Variants in COG5 observed in about 807,000 individuals in gnomAD.
COG5 encodes the protein conserved oligomeric Golgi complex subunit 5.
In COG5, 86 loss-of-function variants were observed where a neutral mutation model predicts 110.4. That is an observed-to-expected ratio of 0.78 (90% CI 0.65 to 0.93). The LOEUF (loss-of-function observed/expected upper bound fraction) is 0.93. Ranked by LOEUF, COG5 falls within the 40% of genes least tolerant of loss-of-function variation. The probability of loss-of-function intolerance (pLI) is 0.00; values close to 1 mark genes in which losing one functional copy is unlikely to be tolerated. For missense variants in COG5, 1,077 were observed against 987.0 expected (o/e 1.09, Z -1.22); for synonymous variants, 360 against 334.6 (o/e 1.08, Z -0.83).
chr7:107,260,390 G>A (rs1003685869), intron 14 of COG5, among the ~76,000 whole-genome samples: 13 of 152,090 alleles, frequency 8.5e-5, no homozygotes, highest in Admixed American at 6.6e-4. Context: ...ATGGGCAAAA[G>A]TTGATTGGAA....
At chr7:107,555,791 C>T (rs1462811671) in intron 2 of COG5, among the ~76,000 whole-genome samples, 1 of 151,824 alleles carries the variant, frequency 6.6e-6, no homozygotes, top group Non-Finnish European at 1.5e-5. Context: ...GTGGGTGGAT[C>T]ATTTGAGGTC....
intron 12 of COG5, among the ~76,000 whole-genome samples, chr7:107,292,675 A>G (rs1806274405): frequency 1.3e-5 from 2 of 152,166 alleles, no homozygotes; most frequent in Admixed American, 1.3e-4. Flanking sequence ...GAAACTCTCC[A>G]GGCCTCCACA....
chr7:107,408,805 T>C (rs1046167702), intron 7 of COG5, among the ~76,000 whole-genome samples: 3 of 152,194 alleles, frequency 2.0e-5, no homozygotes, highest in Non-Finnish European at 4.4e-5. Flanking sequence ...ATGAAGGTTA[T>C]ATAAAACACC....
intron 6 of COG5, among the ~76,000 whole-genome samples, chr7:107,526,612 A>T (rs1025564886): frequency 6.6e-6 from 1 of 152,212 alleles, no homozygotes; most frequent in Non-Finnish European, 1.5e-5. Flanking sequence ...ACCTATTCAT[A>T]ATCACCAAAA....
At chr7:107,295,098 T>TAC (rs1562955845) in intron 12 of COG5, among the ~76,000 whole-genome samples, 3 of 68,462 alleles carry the variant, frequency 4.4e-5, no homozygotes, top group African/African-American at 1.3e-4. Flanking sequence ...TATATATATA[T>TAC]ATATTTTTTT....
intron 11 of COG5, among the ~76,000 whole-genome samples, chr7:107,307,109 G>T (rs911584867): frequency 6.6e-6 from 1 of 152,184 alleles, no homozygotes; most frequent in African/African-American, 2.4e-5. Flanking sequence ...GTTGCTCCTT[G>T]TAATAACAGT....
At position 107,416,003 on chromosome 7, in the gene COG5, C is replaced by T. The variant is rs111883652; in HGVS notation, c.539-3371G>A. On this transcript the variant is annotated intron_variant, in intron 6 of 21. Coordinates refer to ENST00000297135, the MANE Select transcript of COG5 (RefSeq NM_006348.5). ...GTATGTATATATGTGTGTATATATA[C>T]ACACACATACACGTATGTATATATG... Among the ~76,000 whole-genome samples the T allele has an allele frequency of 6.8e-3, 643 of 95,206 alleles. 63 individuals are homozygous for T. Among genetic ancestry groups the T allele is most frequent in the African/African-American group, 0.02 (604 of 29,558 alleles). 62.5% of individuals were successfully genotyped at this position (95,206 alleles called of 152,430 possible).
At chr7:107,442,860 T>C (rs1794803812) in intron 6 of COG5, among the ~76,000 whole-genome samples, 2 of 152,162 alleles carry the variant, frequency 1.3e-5, no homozygotes, top group African/African-American at 2.4e-5. Flanking sequence ...TGGAATCTAC[T>C]GTAATAAAAT....
chr7:107,225,729 T>C (rs890750704), intron 19 of COG5, among the ~76,000 whole-genome samples: 9 of 152,154 alleles, frequency 5.9e-5, no homozygotes, highest in Non-Finnish European at 1.0e-4. Flanking sequence ...CTGAGGCTAG[T>C]AGATGCTATT....
At chr7:107,368,500 G>T (rs534376511) in intron 8 of COG5, among the ~76,000 whole-genome samples, 2 of 152,048 alleles carry the variant, frequency 1.3e-5, no homozygotes, top group South Asian at 2.1e-4. Flanking sequence ...TTTCTGGATC[G>T]CTGGTTTAGC....
chr7:107,457,448 G>C (rs1386619066), intron 6 of COG5, among the ~76,000 whole-genome samples: 5 of 151,266 alleles, frequency 3.3e-5, no homozygotes, highest in African/African-American at 1.2e-4. Flanking sequence ...GTTTTTTTGA[G>C]ACAGAGTCTC....
At chr7:107,440,132 T>C (rs1215780724) in intron 6 of COG5, among the ~76,000 whole-genome samples, 1 of 152,234 alleles carries the variant, frequency 6.6e-6, no homozygotes, top group Non-Finnish European at 1.5e-5. Context: ...TAAAGGGTAC[T>C]GTGTAAGAAT....
intron 16 of COG5, among the ~76,000 whole-genome samples, chr7:107,256,350 T>C (rs1366407318): frequency 6.6e-6 from 1 of 152,082 alleles, no homozygotes; most frequent in Admixed American, 6.6e-5. Flanking sequence ...GTAGCATCTC[T>C]ACCATGTCAT....
rs541506270 is a variant in COG5, at chr7:107,221,585, A to T, written c.2168+9030T>A. On this transcript the variant is annotated intron_variant, in intron 19 of 21. Transcript: ENST00000297135. ...TGAGACCATCCTGGCTAACATGGTG[A>T]AATCCCATCTTTACTAAAAATACAA... Among the ~76,000 whole-genome samples, 5 of 152,150 alleles carry T rather than the reference A, an allele frequency of 3.3e-5. No homozygotes were observed. The South Asian group carries it at 1.0e-3, about 32-fold the overall frequency.
intron 6 of COG5, among the ~76,000 whole-genome samples, chr7:107,477,412 A>C (rs1477885341): frequency 6.6e-6 from 1 of 151,698 alleles, no homozygotes; most frequent in Non-Finnish European, 1.5e-5. Context: ...ATGCCAAAGA[A>C]CTCAGTATAA....
chr7:107,346,528 A>AT (rs774201393), intron 10 of COG5, among the ~76,000 whole-genome samples: 3 of 151,970 alleles, frequency 2.0e-5, no homozygotes, highest in Admixed American at 6.6e-5. Flanking sequence ...TCATACGGTG[A>AT]TTTTTTTTAA....
intron 16 of COG5, among the ~76,000 whole-genome samples, chr7:107,254,838 T>C (rs1802763700): frequency 6.6e-6 from 1 of 152,198 alleles, no homozygotes; most frequent in Non-Finnish European, 1.5e-5. Context: ...ATCCAGAGAA[T>C]GGACCTTCTG....
At chr7:107,334,081 G>T (rs1297140532) in intron 10 of COG5, among the ~76,000 whole-genome samples, 1 of 152,072 alleles carries the variant, frequency 6.6e-6, no homozygotes, top group African/African-American at 2.4e-5. Flanking sequence ...CAAAGGAAAG[G>T]AAATCAGTAT....
rs368685960 is a variant in COG5, at chr7:107,539,697, G to A, written c.417+8414C>T. The stretch of plus-strand genomic sequence containing the variant: ...TAGTAAAAACCCCTAAACTGTACAT[G>A]TTAAAGTGATTATTTTATGGTATGT... On this transcript the variant is annotated intron_variant, in intron 5 of 21. Transcript: ENST00000297135. 3.3e-5 allele frequency among the ~76,000 whole-genome samples: 5 copies of A among 152,286 alleles called. No homozygotes were observed. The East Asian group carries it at 5.8e-4, about 18-fold the overall frequency.
Sources: allele counts gnomAD v4.1 joint callset (sites outside exome capture counted in the v4.1 genomes callset), GRCh38; gene constraint gnomAD v4.1.1; transcripts MANE v1.5; gene names NCBI Gene and HGNC (gene_info 2026-07-23, HGNC 2026-07-21).